The following SASH1 variants were observed in gnomAD, a reference collection of about 807,000 sequenced individuals.
SASH1 encodes the protein SAM and SH3 domain containing 1, also known as SAM and SH3 domain-containing protein 1.
SASH1 carries 44 observed loss-of-function variants against 125.2 expected under a neutral mutation model. That is an observed-to-expected ratio of 0.35 (90% confidence interval 0.28 to 0.45). SASH1 has a LOEUF of 0.45. SASH1 is among the 20% of genes least tolerant of loss of function. The pLI is 1.00. For missense variants in SASH1, 1,426 were observed against 1,614.5 expected (o/e 0.88, Z 2.00); for synonymous variants, 639 against 649.1 (o/e 0.98, Z 0.24).
intron 1 of SASH1, among the ~76,000 whole-genome samples, chr6:148,357,535 C>G (rs1781992993): frequency 6.6e-6 from 1 of 152,132 alleles, no homozygotes; most frequent in South Asian, 2.1e-4. Context: ...TCCCTGGATC[C>G]TGGTGTCTTG....
In SASH1 at chr6:148,342,991, C is replaced by T; in HGVS notation, c.-77C>T. 2 of 1,057,344 alleles carry T rather than the reference C, an allele frequency of 1.9e-6. No individual in the cohort carries two copies. The highest frequency in any genetic ancestry group is 2.3e-6 in the Non-Finnish European group (2 of 877,310). 65.5% of individuals were successfully genotyped at this position (1,057,344 alleles called of 1,614,324 possible). ...GACGCCGCGGGCGGGGACCCGGCAT[C>T]CGGGCAGGCTGCGCGCGGGTGCGGG... On this transcript the variant is annotated 5_prime_UTR_variant, in exon 1 of 20. Coordinates refer to ENST00000367467, the MANE Select transcript of SASH1 (RefSeq NM_015278.5).
At chr6:148,238,002 C>G in the SASH1 span, among the ~76,000 whole-genome samples, 1 of 152,144 alleles carries the variant, frequency 6.6e-6, no homozygotes, top group Non-Finnish European at 1.5e-5. Flanking sequence ...AAATGGGCAT[C>G]AGGGTGGCCC....
chr6:148,208,686 A>G, the SASH1 span, among the ~76,000 whole-genome samples: 2 of 152,160 alleles, frequency 1.3e-5, no homozygotes, highest in African/African-American at 4.8e-5. Context: ...TGAATTGGAG[A>G]AACTGTCTTT....
intron 1 of SASH1, among the ~76,000 whole-genome samples, chr6:148,356,494 C>CTTTTTT (rs57183555): frequency 0.05 from 5,752 of 114,988 alleles, 346 homozygotes; most frequent in East Asian, 0.18. Context: ...ACTTTTAGTT[C>CTTTTTT]TTTTTTTTTT....
At chr6:148,350,414 A>G (rs761130381) in intron 1 of SASH1, among the ~76,000 whole-genome samples, 52 of 152,282 alleles carry the variant, frequency 3.4e-4, no homozygotes, top group Non-Finnish European at 5.6e-4. Flanking sequence ...TTATAACAAT[A>G]TGCACACCAC....
intron 12 of SASH1, among the ~76,000 whole-genome samples, 165 bp downstream of exon 12, chr6:148,527,761 G>T (rs1304194168): frequency 6.6e-6 from 1 of 152,162 alleles, no homozygotes. Context: ...TTCAACACAC[G>T]TTTATTAAGC....
At chr6:148,403,869 G>A (rs1784274353) in intron 2 of SASH1, among the ~76,000 whole-genome samples, 1 of 152,142 alleles carries the variant, frequency 6.6e-6, no homozygotes, top group Non-Finnish European at 1.5e-5. Context: ...TTTTAATTGG[G>A]ATATGATTCA....
Position 148,549,579 on chromosome 6 carries a change from C to T in SASH1, c.*1021C>T. ...AACGGATCATGTTTGCAAAAGGTCA[C>T]TGTGAGGCTGCATATTTCAGAAAGA... On this transcript the variant is annotated 3_prime_UTR_variant, in exon 20 of 20. Coordinates refer to ENST00000367467, the MANE Select transcript of SASH1 (RefSeq NM_015278.5). The T allele has an allele frequency of 2.5e-6, 1 of 398,920 alleles. No homozygotes were observed. The highest frequency in any genetic ancestry group is 4.4e-6 in the Non-Finnish European group (1 of 226,024). The allele number at this position is 398,920 out of a possible 1,614,324, so 24.7% of individuals were successfully genotyped here.
intron 1 of SASH1, among the ~76,000 whole-genome samples, chr6:148,319,019 C>CTTTTTTT (rs1780562391): frequency 1.2e-5 from 1 of 80,510 alleles, no homozygotes; most frequent in Non-Finnish European, 2.6e-5. Context: ...CCGCATTTAT[C>CTTTTTTT]TTCTTTTTTT....
chr6:148,370,691 C>T (rs372904374), intron 1 of SASH1, among the ~76,000 whole-genome samples: 15 of 151,820 alleles, frequency 9.9e-5, no homozygotes, highest in South Asian at 6.3e-4. Context: ...GGCGTGGTGA[C>T]GGGCGCCTGT....
At chr6:148,429,398 A>T (rs1583144855) in intron 2 of SASH1, among the ~76,000 whole-genome samples, 1 of 149,954 alleles carries the variant, frequency 6.7e-6, no homozygotes, top group Admixed American at 6.6e-5. Context: ...AAAAAAAAAA[A>T]AAAAAAAAAA....
chr6:148,298,741 G>T (rs1386999036), intron 1 of SASH1, among the ~76,000 whole-genome samples: 1 of 88,984 alleles, frequency 1.1e-5, no homozygotes, highest in Non-Finnish European at 2.2e-5. Flanking sequence ...GAGGGAGGGA[G>T]GGAAAGGAAG....
At chr6:148,355,722 G>A (rs1054532109) in intron 1 of SASH1, among the ~76,000 whole-genome samples, 2 of 152,112 alleles carry the variant, frequency 1.3e-5, no homozygotes, top group Admixed American at 6.6e-5. Context: ...CTTAAACCTC[G>A]AGAGAAGCTT....
intron 4 of SASH1, among the ~76,000 whole-genome samples, chr6:148,461,671 A>T (rs1196405375): frequency 6.6e-6 from 1 of 152,182 alleles, no homozygotes; most frequent in Non-Finnish European, 1.5e-5. Flanking sequence ...GCATCATCCA[A>T]GTCCTGGCCC....
At chr6:148,212,782 G>T in the SASH1 span, among the ~76,000 whole-genome samples, 1 of 152,152 alleles carries the variant, frequency 6.6e-6, no homozygotes, top group East Asian at 1.9e-4. Flanking sequence ...TGAGAGGAAG[G>T]TTTGTTTCCC....
intron 2 of SASH1, among the ~76,000 whole-genome samples, chr6:148,395,535 G>A (rs986485375): frequency 3.3e-5 from 5 of 152,116 alleles, no homozygotes; most frequent in African/African-American, 9.7e-5. Flanking sequence ...AGTACAGATG[G>A]GTAAAAATTC....
intron 1 of SASH1, among the ~76,000 whole-genome samples, chr6:148,337,576 G>C (rs545314615): frequency 2.6e-5 from 4 of 152,110 alleles, no homozygotes. Flanking sequence ...TGGCCAGACT[G>C]GTCTTGAACT....
chr6:148,467,741 A>G (rs575442422), intron 4 of SASH1, among the ~76,000 whole-genome samples: 171 of 152,304 alleles, frequency 1.1e-3, no homozygotes, highest in African/African-American at 4.0e-3. Flanking sequence ...GTTCCAGACC[A>G]TCCTGGCCAA....
In SASH1 at chr6:148,491,306, G is replaced by A. The variant is rs139358263; in HGVS notation, c.729+3591G>A. ...TGTTGTTGAGACGGAGTCTCACTCCGTCGCTCAGGCTGGAGTGCAGCGGCA... is the reference window on the plus strand; with the variant it reads ...TGTTGTTGAGACGGAGTCTCACTCCATCGCTCAGGCTGGAGTGCAGCGGCA... On this transcript the variant is annotated intron_variant, in intron 8 of 19. Transcript: ENST00000367467. 2.5e-3 allele frequency among the ~76,000 whole-genome samples: 374 copies of A among 152,236 alleles called. 2 individuals carry two copies. Among genetic ancestry groups the A allele is most frequent in the African/African-American group, 8.5e-3 (351 of 41,532 alleles).
Sources: gnomAD v4.1 joint callset for allele counts (sites outside exome capture counted in the v4.1 genomes callset) on GRCh38, gnomAD v4.1.1 for gene constraint, MANE v1.5 for transcripts, NCBI Gene and HGNC (gene_info 2026-07-23, HGNC 2026-07-21) for gene names.